The following CNKSR3 variants were observed in gnomAD, a reference collection of about 807,000 sequenced individuals.
CNKSR3 encodes CNKSR family member 3.
Under a neutral mutation model 67.7 loss-of-function variants are expected in CNKSR3, and 36 were observed. That is an observed-to-expected ratio of 0.53 (90% CI 0.41 to 0.70). The LOEUF is 0.70. Ranked by LOEUF, CNKSR3 falls within the 30% of genes least tolerant of loss-of-function variation. The probability of loss-of-function intolerance (pLI) is 0.00; values close to 1 mark genes in which losing one functional copy is unlikely to be tolerated. For synonymous variants in CNKSR3, 281 were observed against 271.4 expected (o/e 1.04, Z -0.35); for missense variants, 630 against 695.2 (o/e 0.91, Z 1.05).
rs1259090171 is a variant in CNKSR3, at chr6:154,392,483, G to A, written c.*13871C>T. 1 of 152,280 alleles carries A rather than the reference G, an allele frequency of 6.6e-6. No homozygotes were observed. The highest frequency in any genetic ancestry group is 2.4e-5 in the African/African-American group (1 of 41,476). The allele number at this position is 152,280 out of a possible 1,614,324, so 9.4% of individuals were successfully genotyped here. A position where few individuals can be genotyped will look rare whatever the true frequency, so the allele number is the denominator to read the frequency against. ...GGGGATGCCTTGAGAAAAAGCAGTA[G>A]AAGGAGTGCAGGTCCCCTGCTGTCA... is the stretch of plus-strand genomic sequence containing the variant. On this transcript the variant is annotated 3_prime_UTR_variant, in exon 13 of 13. Coordinates refer to ENST00000607772, the MANE Select transcript of CNKSR3 (RefSeq NM_173515.4).
In CNKSR3 at chr6:154,406,399, G is replaced by C. The variant is rs1784789187; in HGVS notation, c.1623C>G (p.Ser541=). ...SATKSSSTEP[S]LLVSWFTRLK... ...GGCGCGTAAACCAGCTGACCAGGAG[G>C]GACGGTTCTGTGGACGAGGACTTCG... The change falls in exon 13 of 13, where the codon TCC becomes TCG. Residue 541 remains serine, a synonymous_variant. Transcript: ENST00000607772. 1 of 1,613,986 alleles carries C rather than the reference G, an allele frequency of 6.2e-7. No individual in the cohort carries two copies. The highest frequency in any genetic ancestry group is 1.3e-5 in the African/African-American group (1 of 74,912).
intron 1 of CNKSR3, among the ~76,000 whole-genome samples, chr6:154,509,859 C>G (rs951897910): frequency 2.6e-5 from 4 of 152,200 alleles, no homozygotes; most frequent in African/African-American, 9.6e-5. Context: ...CGGCTTGCCA[C>G]AATCCGCACC....
At chr6:154,471,849 T>C (rs922438302) in intron 1 of CNKSR3, among the ~76,000 whole-genome samples, 2 of 152,068 alleles carry the variant, frequency 1.3e-5, no homozygotes, top group Non-Finnish European at 2.9e-5. Context: ...AGTCCTGAAA[T>C]AGAAGTCCAG....
chr6:154,476,362 C>A (rs1786449759), intron 1 of CNKSR3, among the ~76,000 whole-genome samples: 1 of 150,462 alleles, frequency 6.6e-6, no homozygotes, highest in Non-Finnish European at 1.5e-5. Context: ...GAGGCTGAGG[C>A]AGGAGAATCA....
chr6:154,412,899 G>T (rs1287856711), intron 10 of CNKSR3, among the ~76,000 whole-genome samples: 4 of 151,932 alleles, frequency 2.6e-5, no homozygotes, highest in African/African-American at 9.7e-5. Context: ...AGTTCTGTAG[G>T]GTCAAAGACC....
intron 1 of CNKSR3, among the ~76,000 whole-genome samples, chr6:154,509,434 G>A (rs983934394): frequency 3.3e-5 from 5 of 152,128 alleles, no homozygotes; most frequent in African/African-American, 7.2e-5. Flanking sequence ...CAGCGCCACC[G>A]GGGATACTGG....
chr6:154,478,014 C>T (rs542527988), intron 1 of CNKSR3, among the ~76,000 whole-genome samples: 13 of 152,310 alleles, frequency 8.5e-5, no homozygotes, highest in Admixed American at 6.5e-4. Flanking sequence ...AGCGAACACA[C>T]AAACCCAGAA....
chr6:154,449,393 G>T (rs971713959), intron 2 of CNKSR3, among the ~76,000 whole-genome samples: 1 of 152,150 alleles, frequency 6.6e-6, no homozygotes, highest in Non-Finnish European at 1.5e-5. Flanking sequence ...TGCGATCTCT[G>T]CTCACTGCAG....
intron 1 of CNKSR3, among the ~76,000 whole-genome samples, chr6:154,456,035 A>G (rs1459714250): frequency 6.6e-6 from 1 of 152,174 alleles, no homozygotes; most frequent in Non-Finnish European, 1.5e-5. Flanking sequence ...ACAACAACAA[A>G]AAACTATGGC....
chr6:154,442,171 G>T lies in CNKSR3; in HGVS notation c.336C>A (p.Thr112=), dbSNP rs1473192845. ...GGAACTCATTGGGGGCCTTGCGGGA[G>T]GTGTTGCCATCGTAAGCGGGACTTT... is the stretch of plus-strand genomic sequence containing the variant. ...RRKSPAYDGN[T]SRKAPNEFLT... Residue 112 remains threonine (T), a synonymous_variant, in exon 3 of 13, where the codon ACC becomes ACA. Coordinates refer to ENST00000607772, the MANE Select transcript of CNKSR3 (RefSeq NM_173515.4). 6.2e-7 allele frequency: 1 copy of T among 1,614,178 alleles called. No homozygotes were observed. The highest frequency in any genetic ancestry group is 1.3e-5 in the African/African-American group (1 of 75,050).
intron 9 of CNKSR3, among the ~76,000 whole-genome samples, chr6:154,416,677 G>A (rs1785030463): frequency 1.3e-5 from 2 of 152,168 alleles, no homozygotes; most frequent in Non-Finnish European, 2.9e-5. Flanking sequence ...CTTCTGAGAA[G>A]GGTGGGTGCC....
At chr6:154,441,241 G>GAAA in intron 4 of CNKSR3, 51 bp downstream of exon 4, 1 of 770,360 alleles carries the variant, frequency 1.3e-6, no homozygotes, top group Non-Finnish European at 1.7e-6. Flanking sequence ...AAGAGGAAAA[G>GAAA]CAAAAAAAAA....
At chr6:154,446,654 G>A (rs576603995) in intron 2 of CNKSR3, among the ~76,000 whole-genome samples, 1 of 152,216 alleles carries the variant, frequency 6.6e-6, no homozygotes, top group African/African-American at 2.4e-5. Flanking sequence ...CCAAGTCTAG[G>A]TAGCATCATT....
chr6:154,429,587 A>G (rs1785323051), intron 6 of CNKSR3, among the ~76,000 whole-genome samples: 1 of 152,160 alleles, frequency 6.6e-6, no homozygotes, highest in Admixed American at 6.5e-5. Context: ...CAGTACCAAT[A>G]TGCATTTTTC....
At chr6:154,474,054 A>T (rs1205938534) in intron 1 of CNKSR3, among the ~76,000 whole-genome samples, 1 of 147,148 alleles carries the variant, frequency 6.8e-6, no homozygotes, top group Non-Finnish European at 1.5e-5. Flanking sequence ...AAGTGCTGGG[A>T]TTACAGGCGT....
At position 154,397,695 on chromosome 6, in the gene CNKSR3, G is replaced by T. The variant is rs1205648093; in HGVS notation, c.*8659C>A. The T allele has an allele frequency of 6.6e-5, 10 of 152,326 alleles. No homozygotes were observed. Among genetic ancestry groups the T allele is most frequent in the African/African-American group, 2.2e-4 (9 of 41,440 alleles). The allele number at this position is 152,326 out of a possible 1,614,324, so 9.4% of individuals were successfully genotyped here. A position where few individuals can be genotyped will look rare whatever the true frequency, so the allele number is the denominator to read the frequency against. Reference sequence around the variant, plus strand: ...CAACTGTGATGGAATTAACAGGGTAGGCCCTGCAAACAGATGAGTAAAAGC... The same window carrying T: ...CAACTGTGATGGAATTAACAGGGTATGCCCTGCAAACAGATGAGTAAAAGC... On this transcript the variant is annotated 3_prime_UTR_variant, in exon 13 of 13. Coordinates refer to ENST00000607772, the MANE Select transcript of CNKSR3 (RefSeq NM_173515.4).
At chr6:154,478,633 T>C (rs923846653) in intron 1 of CNKSR3, 2 of 152,232 alleles carry the variant, frequency 1.3e-5, no homozygotes, top group African/African-American at 4.8e-5. Flanking sequence ...ATCCTCTTTT[T>C]ACAATGCCAT....
chr6:154,413,238 T>A (rs956171663), intron 10 of CNKSR3, among the ~76,000 whole-genome samples: 12 of 152,104 alleles, frequency 7.9e-5, no homozygotes, highest in African/African-American at 2.9e-4. Flanking sequence ...TGTTTTTTTG[T>A]TTTTGAGACT....
At chr6:154,449,295 C>G (rs1184497673) in intron 2 of CNKSR3, among the ~76,000 whole-genome samples, 2 of 152,152 alleles carry the variant, frequency 1.3e-5, no homozygotes, top group African/African-American at 4.8e-5. Flanking sequence ...AAATCAGAAC[C>G]TATTTCTCAC....
Sources: gnomAD v4.1 joint callset for allele counts (sites outside exome capture counted in the v4.1 genomes callset) on GRCh38, gnomAD v4.1.1 for gene constraint, MANE v1.5 for transcripts, NCBI Gene and HGNC (gene_info 2026-07-23, HGNC 2026-07-21) for gene names.